Variants in NFATC1 observed in about 807,000 individuals in gnomAD.
The protein encoded by NFATC1 is nuclear factor of activated T cells 1, also known as nuclear factor of activated T-cells, cytoplasmic 1.
In NFATC1, 22 loss-of-function variants were observed where a neutral mutation model predicts 76.0. That is an observed-to-expected ratio of 0.29 (90% CI 0.21 to 0.41). The LOEUF (loss-of-function observed/expected upper bound fraction) is 0.41. NFATC1 is among the 10% of genes least tolerant of loss of function. The pLI is 1.00. For missense variants in NFATC1, 1,357 were observed against 1,337.7 expected, an observed-to-expected ratio of 1.01 and a Z score of -0.23; for synonymous variants, 704 against 613.1, an observed-to-expected ratio of 1.15 and a Z score of -2.19.
intron 9 of NFATC1, among the ~76,000 whole-genome samples, chr18:79,493,991 C>T (rs2089784252): frequency 6.6e-6 from 1 of 151,946 alleles, no homozygotes. Context: ...AGAGCCCGTC[C>T]AGCCCCAGGC....
rs541602627 is a variant in NFATC1 at position 79,463,830 on chromosome 18, C to T, written c.1959+2464C>T. The stretch of plus-strand genomic sequence containing the variant: ...CAGCCCCGCACATGCACGCGGGTTG[C>T]GGGATGCAGGATGCCGGAGCTGGGC... On this transcript the variant is annotated intron_variant, in intron 7 of 9. Coordinates refer to ENST00000427363, the MANE Select transcript of NFATC1 (RefSeq NM_001278669.2). 2.6e-5 allele frequency among the ~76,000 whole-genome samples: 4 copies of T among 152,312 alleles called. No individual in the cohort carries two copies. The South Asian group carries it at 8.3e-4, about 32-fold the overall frequency.
Position 79,410,488 on chromosome 18 carries a change from C to A in NFATC1, c.213C>A (p.Asn71Lys). ...CCACCCTGCCGGCCCCGTGCCACAA[C>A]CTTCAGACCTCCACACCGGGCATCA... ...AHSTLPAPCH[N>K]LQTSTPGIIP... Residue 71 changes from asparagine (N) to lysine (K), a missense_variant, in exon 2 of 10, where the codon AAC (asparagine) becomes AAA (lysine). This residue lies in a region of NFATC1 where 691 missense variants were observed against 613.1 expected (regional missense o/e 1.13). Transcript: ENST00000427363. The surrounding 1 kb of genome is among the most constrained non-coding windows in gnomAD (Gnocchi z 6.7). 1 of 1,612,350 alleles carries A rather than the reference C, an allele frequency of 6.2e-7. No individual in the cohort carries two copies. The highest frequency in any genetic ancestry group is 8.5e-7 in the Non-Finnish European group (1 of 1,179,926).
chr18:79,451,229 G>T, intron 5 of NFATC1, 103 bp downstream of exon 5: 9 of 1,381,890 alleles, frequency 6.5e-6, no homozygotes, highest in Non-Finnish European at 7.9e-6. Flanking sequence ...ACTTGGGACT[G>T]AACGGTTCCC....
rs561881198 is a variant in NFATC1 at position 79,479,981 on chromosome 18, C to T, written c.2093-6267C>T. On this transcript the variant is annotated intron_variant, in intron 8 of 9. Coordinates refer to ENST00000427363, the MANE Select transcript of NFATC1 (RefSeq NM_001278669.2). ...TCATGGGCAAGGCTGGGAGAAGCCG[C>T]GTGGAGACCCCAGCCCAGGGAGGGG... Among the ~76,000 whole-genome samples, 322 of 152,322 alleles carry T rather than the reference C, an allele frequency of 2.1e-3. 1 individual carries two copies. Among genetic ancestry groups the T allele is most frequent in the Non-Finnish European group, 2.7e-3 (187 of 68,022 alleles).
At chr18:79,454,319 C>T (rs2087596049) in intron 6 of NFATC1, among the ~76,000 whole-genome samples, 1 of 152,246 alleles carries the variant, frequency 6.6e-6, no homozygotes, top group Non-Finnish European at 1.5e-5. Context: ...ATTGTCCAGG[C>T]CAGCTCAGCC....
intron 6 of NFATC1, among the ~76,000 whole-genome samples, chr18:79,455,227 G>A (rs1052532578): frequency 2.0e-5 from 3 of 152,218 alleles, no homozygotes; most frequent in Non-Finnish European, 4.4e-5. Context: ...GTCGCTGCGC[G>A]GAAGCCACAC....
At chr18:79,505,935 C>G (rs1293938432) in intron 9 of NFATC1, among the ~76,000 whole-genome samples, 2 of 151,188 alleles carry the variant, frequency 1.3e-5, no homozygotes, top group African/African-American at 4.9e-5. Context: ...GGTGGACGAG[C>G]CCCTTGGGTG....
chr18:79,405,174 G>A (rs976539370), intron 1 of NFATC1, among the ~76,000 whole-genome samples: 1 of 152,230 alleles, frequency 6.6e-6, no homozygotes, highest in Non-Finnish European at 1.5e-5. Flanking sequence ...GGACTCAAAA[G>A]TGAGGAGGTG....
At position 79,486,749 on chromosome 18, in the gene NFATC1, GC is replaced by G; in HGVS notation, c.2597del (p.Pro866GlnfsTer46). 1 of 1,602,668 alleles carries G rather than the reference GC, an allele frequency of 6.2e-7. No individual in the cohort carries two copies. ...TQEPTCLQPC[S>X]PACPPATGRP... ...GAGCCGACCTGCCTGCAGCCCTGCA[GC>G]CCAGCGTGCCCGCCCGCCACGGGCC... On this transcript the variant is annotated frameshift_variant, in exon 9 of 10. Transcript: ENST00000427363. LOFTEE classifies it high-confidence loss of function.
At chr18:79,443,297 A>C (rs2087057226) in intron 3 of NFATC1, among the ~76,000 whole-genome samples, 1 of 152,218 alleles carries the variant, frequency 6.6e-6, no homozygotes, top group Non-Finnish European at 1.5e-5. Flanking sequence ...ACCTGCACGC[A>C]CTGTCACACA....
At chr18:79,509,988 C>G (rs1331117792) in intron 9 of NFATC1, among the ~76,000 whole-genome samples, 2 of 152,224 alleles carry the variant, frequency 1.3e-5, no homozygotes, top group Non-Finnish European at 2.9e-5. Context: ...GATCTTTGGT[C>G]CTTTATTGTG....
Position 79,451,803 on chromosome 18 carries a change from G to A in NFATC1, c.1890G>A (p.Val630=), listed in dbSNP as rs776946080. 6.2e-7 allele frequency: 1 copy of A among 1,610,980 alleles called. No individual in the cohort carries two copies. The highest frequency in any genetic ancestry group is 8.5e-7 in the Non-Finnish European group (1 of 1,178,530). The change falls in exon 6 of 10, where the codon GTG becomes GTA. Residue 630 remains valine (V), a synonymous_variant. Transcript: ENST00000427363. The part of the protein sequence containing the change: ...NFLQDSKVIF[V]EKAPDGHHVW... The stretch of plus-strand genomic sequence containing the variant: ...TGCAGGACTCCAAGGTCATTTTCGT[G>A]GAGAAAGCCCCAGGTATGCTCTTCA...
rs1466351865 is a variant in NFATC1, at chr18:79,486,678, G to C, written c.2523G>C (p.Ser841=). ...GCTGCCCCCCTGGTCTCGAACACTCGCTCTGCCCCAGCAGCCCCTCTCCTC... is the reference window on the plus strand; with the variant it reads ...GCTGCCCCCCTGGTCTCGAACACTCCCTCTGCCCCAGCAGCCCCTCTCCTC... ...SSSCPPGLEH[S]LCPSSPSPPL... Residue 841 remains serine, a synonymous_variant, in exon 9 of 10, where the codon TCG becomes TCC. Transcript: ENST00000427363. 2 of 1,602,160 alleles carry C rather than the reference G, an allele frequency of 1.2e-6. No homozygotes were observed. Among genetic ancestry groups the C allele is most frequent in the Non-Finnish European group, 1.7e-6 (2 of 1,177,016 alleles).
At chr18:79,502,577 C>A (rs2090036318) in intron 9 of NFATC1, among the ~76,000 whole-genome samples, 1 of 152,162 alleles carries the variant, frequency 6.6e-6, no homozygotes, top group East Asian at 1.9e-4. Flanking sequence ...AAACAACTAT[C>A]TGATAAAGGG....
intron 2 of NFATC1, among the ~76,000 whole-genome samples, chr18:79,429,881 C>T (rs1439592994): frequency 6.6e-6 from 1 of 152,246 alleles, no homozygotes; most frequent in Non-Finnish European, 1.5e-5. Context: ...GCGGACTTCA[C>T]CTATGAGGGT....
intron 8 of NFATC1, chr18:79,469,867 G>A: frequency 5.1e-6 from 5 of 985,506 alleles, no homozygotes; most frequent in Non-Finnish European, 6.0e-6. Flanking sequence ...CTGGTCCTGG[G>A]GGCTGCGACC....
Position 79,486,576 on chromosome 18 carries a change from G to A in NFATC1, c.2421G>A (p.Val807=). The A allele has an allele frequency of 2.5e-6, 4 of 1,591,964 alleles. No homozygotes were observed. The highest frequency in any genetic ancestry group is 3.4e-6 in the Non-Finnish European group (4 of 1,173,762). The change falls in exon 9 of 10, where the codon GTG becomes GTA. Residue 807 remains valine (V), a synonymous_variant. Transcript: ENST00000427363. ...APAVQDVPRP[V]ATHPGSPGQP... Reference sequence around the variant, plus strand: ...CCGTCCAGGACGTGCCCAGGCCAGTGGCCACGCACCCCGGCTCGCCCGGGC... The same window carrying A: ...CCGTCCAGGACGTGCCCAGGCCAGTAGCCACGCACCCCGGCTCGCCCGGGC...
intron 8 of NFATC1, among the ~76,000 whole-genome samples, chr18:79,479,866 G>A (rs1308353978): frequency 6.6e-6 from 1 of 152,246 alleles, no homozygotes; most frequent in African/African-American, 2.4e-5. Context: ...CGGTCCCGGT[G>A]GGAGGCAGCC....
chr18:79,401,418 C>T (rs867140998), intron 1 of NFATC1, among the ~76,000 whole-genome samples: 3 of 152,304 alleles, frequency 2.0e-5, no homozygotes, highest in Admixed American at 6.5e-5. Context: ...ACCTGTGCTG[C>T]CTGCGGTTCT....
Sources: allele counts gnomAD v4.1 joint callset (sites outside exome capture counted in the v4.1 genomes callset), GRCh38; gene constraint gnomAD v4.1.1; regional missense constraint gnomAD v4.1.1; non-coding constraint Gnocchi (gnomAD v3.1); transcripts MANE v1.5; gene names NCBI Gene and HGNC (gene_info 2026-07-23, HGNC 2026-07-21).